SLFN12L: variants seen among roughly 807,000 people sequenced by gnomAD.
SLFN12L encodes the protein schlafen family member 12-like.
A neutral mutation model predicts 34.8 loss-of-function variants in SLFN12L; 34 were observed. The observed-to-expected ratio is 0.98, with a 90% CI of 0.74 to 1.30. SLFN12L has a LOEUF of 1.30. SLFN12L is among the 50% of genes most tolerant of loss of function. SLFN12L has a pLI of 0.00. For synonymous variants in SLFN12L, 259 were observed against 247.5 expected (o/e 1.05, Z -0.44); for missense variants, 703 against 696.2 (o/e 1.01, Z -0.11).
chr17:35,475,468 T>A lies in SLFN12L; in HGVS notation c.1294A>T (p.Thr432Ser), dbSNP rs758144598. ...CTGCAGAAGGTTTTTGGAGCACAAG[T>A]TATCTTTTCTGATAGCCCTAGATGG... ...YHLPGLSEKI[T>S]CAPKTFCRNL... is the part of the protein sequence containing the mutation. The change falls in exon 5 of 5, where the codon ACT becomes TCT. Residue 432 changes from threonine to serine, a missense_variant. Thr to Ser is a moderately conservative substitution (Grantham distance 58). Coordinates refer to ENST00000628453, the MANE Select transcript of SLFN12L (RefSeq NM_001363830.2). 7 of 1,607,502 alleles carry A rather than the reference T, an allele frequency of 4.4e-6. No individual in the cohort carries two copies. Among genetic ancestry groups the A allele is most frequent in the Non-Finnish European group, 5.9e-6 (7 of 1,177,450 alleles).
chr17:35,508,977 T>A (rs1252014476), intron 2 of SLFN12L, among the ~76,000 whole-genome samples: 1 of 152,196 alleles, frequency 6.6e-6, no homozygotes, highest in African/African-American at 2.4e-5. Flanking sequence ...AAACTAGCTC[T>A]GTGACTTGTC....
At chr17:35,498,148 G>A in intron 2 of SLFN12L, 3 of 585,912 alleles carry the variant, frequency 5.1e-6, no homozygotes, top group African/African-American at 1.9e-5. Context: ...CAGAGACGAC[G>A]GAGGCGGAAG....
intron 1 of SLFN12L, among the ~76,000 whole-genome samples, chr17:35,531,940 ACTCT>A (rs2142179384): frequency 1.3e-5 from 2 of 151,768 alleles, no homozygotes; most frequent in Non-Finnish European, 2.9e-5. Context: ...CGGCCTGACA[ACTCT>A]CTTCTACATC....
intron 2 of SLFN12L, among the ~76,000 whole-genome samples, chr17:35,496,695 T>C (rs984071390): frequency 6.6e-6 from 1 of 152,026 alleles, no homozygotes; most frequent in African/African-American, 2.4e-5. Context: ...TTTCCTGTCC[T>C]CCCCAGGACT....
rs758831720 is a variant in SLFN12L, at chr17:35,474,687, C to CG, written c.*235dup. On this transcript the variant is annotated 3_prime_UTR_variant, in exon 5 of 5. Coordinates refer to ENST00000628453, the MANE Select transcript of SLFN12L (RefSeq NM_001363830.2). ...CTGTACTCCTAGCACTTTGGGAGAC[C>CG]GGGGGGGGGGGTTGAATCACGAGGT... 23,487 of 267,540 alleles carry CG rather than the reference C, an allele frequency of 0.088. 739 individuals carry two copies. Among genetic ancestry groups the CG allele is most frequent in the African/African-American group, 0.16 (4,219 of 26,878 alleles). The allele number at this position is 267,540 out of a possible 1,614,324, so 16.6% of individuals were successfully genotyped here. A position where few individuals can be genotyped will look rare whatever the true frequency, so the allele number is the denominator to read the frequency against.
chr17:35,528,967 A>C (rs2072364620), intron 1 of SLFN12L, among the ~76,000 whole-genome samples: 1 of 152,224 alleles, frequency 6.6e-6, no homozygotes, highest in Non-Finnish European at 1.5e-5. Flanking sequence ...TAATATCCAG[A>C]ATCTACAAGG....
chr17:35,490,390 A>G (rs1914788393), intron 2 of SLFN12L: 2 of 1,310,350 alleles, frequency 1.5e-6, no homozygotes, highest in Admixed American at 1.7e-5. Context: ...CAAGAAGTTC[A>G]TTCAGCTCCT....
chr17:35,521,491 G>A (rs1368493181), intron 2 of SLFN12L, among the ~76,000 whole-genome samples: 2 of 152,126 alleles, frequency 1.3e-5, no homozygotes, highest in African/African-American at 4.8e-5. Context: ...ACCATGGCTG[G>A]GTGGATTTTC....
intron 2 of SLFN12L, among the ~76,000 whole-genome samples, chr17:35,518,234 G>T (rs553659930): frequency 1.3e-5 from 2 of 152,240 alleles, no homozygotes; most frequent in African/African-American, 4.8e-5. Flanking sequence ...GTGGGCAAAG[G>T]ATATGAACAG....
At position 35,474,694 on chromosome 17, in the gene SLFN12L, G is replaced by GA; in HGVS notation, c.*228_*229insT. The GA allele has an allele frequency of 2.7e-6, 1 of 376,198 alleles. No homozygotes were observed. The highest frequency in any genetic ancestry group is 4.8e-6 in the Non-Finnish European group (1 of 206,444). The allele number at this position is 376,198 out of a possible 1,614,324, so 23.3% of individuals were successfully genotyped here. On this transcript the variant is annotated 3_prime_UTR_variant, in exon 5 of 5. Transcript: ENST00000628453. ...CCTAGCACTTTGGGAGACCGGGGGG[G>GA]GGGGTTGAATCACGAGGTCAGGAGT...
chr17:35,495,940 CACACACAA>C (rs1248118000), intron 2 of SLFN12L, among the ~76,000 whole-genome samples: 23 of 128,964 alleles, frequency 1.8e-4, no homozygotes, highest in African/African-American at 5.6e-4. Context: ...CACACACACA[CACACACAA>C]CAAAACGCCA....
At chr17:35,491,282 A>T (rs957916257) in intron 2 of SLFN12L, 1 of 769,018 alleles carries the variant, frequency 1.3e-6, no homozygotes, top group Non-Finnish European at 2.1e-6. Context: ...CAATTTTTTT[A>T]AATCATGGAA....
intron 2 of SLFN12L, among the ~76,000 whole-genome samples, chr17:35,482,805 C>T (rs1158615253): frequency 1.3e-5 from 2 of 152,156 alleles, no homozygotes; most frequent in Non-Finnish European, 2.9e-5. Context: ...CACCTTCAGG[C>T]CTGGGAGGGC....
intron 2 of SLFN12L, among the ~76,000 whole-genome samples, chr17:35,489,533 G>A (rs1198641449): frequency 6.6e-6 from 1 of 152,042 alleles, no homozygotes; most frequent in African/African-American, 2.4e-5. Flanking sequence ...CAGCCTGAGC[G>A]ACAGAGTGAA....
At chr17:35,485,753 G>C (rs1405253988) in intron 2 of SLFN12L, among the ~76,000 whole-genome samples, 1 of 152,182 alleles carries the variant, frequency 6.6e-6, no homozygotes, top group Non-Finnish European at 1.5e-5. Flanking sequence ...TGAATAGGGT[G>C]TCCTTTCTCC....
rs1247191741 is a variant in SLFN12L at position 35,465,475 on chromosome 17, C to G, written c.*9448G>C. Among the ~76,000 whole-genome samples the G allele has an allele frequency of 6.6e-6, 1 of 151,442 alleles. No homozygotes were observed. The highest frequency in any genetic ancestry group is 1.9e-4 in the East Asian group (1 of 5,172). On this transcript the variant is annotated 3_prime_UTR_variant, in exon 5 of 5. Coordinates refer to ENST00000628453, the MANE Select transcript of SLFN12L (RefSeq NM_001363830.2). ...AAATTAAAATTAAATTTTTGGCACT[C>G]AAAAATTGGCTTGATAAAATAGGAT...
At chr17:35,487,477 C>CA (rs1555540824) in intron 2 of SLFN12L, among the ~76,000 whole-genome samples, 1 of 152,170 alleles carries the variant, frequency 6.6e-6, no homozygotes, top group Non-Finnish European at 1.5e-5. Flanking sequence ...GACCACCCCC[C>CA]CCGGACCCCC....
intron 4 of SLFN12L, among the ~76,000 whole-genome samples, chr17:35,476,270 T>C (rs1913999350): frequency 6.6e-6 from 1 of 152,072 alleles, no homozygotes; most frequent in Non-Finnish European, 1.5e-5. Flanking sequence ...CTCAACTCAC[T>C]GGCTAATACA....
chr17:35,498,234 G>T (rs1156724171), intron 2 of SLFN12L: 3 of 701,854 alleles, frequency 4.3e-6, no homozygotes, highest in Middle Eastern at 3.2e-4. Flanking sequence ...AGTGCGTACC[G>T]AGGAGATCCA....
Sources: allele counts gnomAD v4.1 joint callset (sites outside exome capture counted in the v4.1 genomes callset), GRCh38; gene constraint gnomAD v4.1.1; transcripts MANE v1.5; gene names NCBI Gene and HGNC (gene_info 2026-07-23, HGNC 2026-07-21).